Variants in LAMA2 observed in about 807,000 individuals in gnomAD.
LAMA2 encodes laminin subunit alpha-2.
Under a neutral mutation model 364.8 loss-of-function variants are expected in LAMA2, and 269 were observed. The observed-to-expected ratio is 0.74, with a 90% CI of 0.67 to 0.82. LAMA2 has a LOEUF of 0.82. Among genes scored for constraint, LAMA2 ranks in the 40% least tolerant of loss-of-function variants. The pLI, the probability that LAMA2 is intolerant of heterozygous loss-of-function variation, is 0.00. For synonymous variants in LAMA2, 1,379 were observed against 1,370.6 expected, an observed-to-expected ratio of 1.01 and a Z score of -0.14; for missense variants, 3,807 against 3,873.2, an observed-to-expected ratio of 0.98 and a Z score of 0.45.
chr6:128,990,698 C>T (rs1783555740), intron 1 of LAMA2, among the ~76,000 whole-genome samples: 1 of 151,822 alleles, frequency 6.6e-6, no homozygotes, highest in African/African-American at 2.4e-5. Flanking sequence ...TTTATCTTGC[C>T]TTAATTAGGG....
At chr6:129,255,036 A>T (rs371245638) in intron 14 of LAMA2, among the ~76,000 whole-genome samples, 55 of 147,054 alleles carry the variant, frequency 3.7e-4, no homozygotes, top group African/African-American at 1.2e-3. Flanking sequence ...GAAATGATGT[A>T]TTTTTTTTTT....
intron 52 of LAMA2, among the ~76,000 whole-genome samples, chr6:129,473,712 G>A (rs770828414): frequency 3.3e-5 from 5 of 151,998 alleles, no homozygotes; most frequent in Admixed American, 6.6e-5. Flanking sequence ...TTAGTGTTCC[G>A]AAAATTAGTC....
At chr6:129,022,763 A>C (rs961652799) in intron 1 of LAMA2, among the ~76,000 whole-genome samples, 3 of 152,184 alleles carry the variant, frequency 2.0e-5, no homozygotes, top group African/African-American at 7.2e-5. Flanking sequence ...CTTTCTATTT[A>C]AAGAGGACTT....
chr6:129,032,526 G>T (rs9402093), intron 1 of LAMA2, among the ~76,000 whole-genome samples: 95,442 of 152,064 alleles, frequency 0.63, 31,862 homozygotes, highest in East Asian at 0.96. Flanking sequence ...GGCAGTATTC[G>T]TTGAATGTGA....
intron 30 of LAMA2, among the ~76,000 whole-genome samples, chr6:129,347,860 A>G (rs1436778019): frequency 6.6e-6 from 1 of 152,246 alleles, no homozygotes; most frequent in African/African-American, 2.4e-5. Flanking sequence ...AAAAAATTGT[A>G]TCAACTATTC....
chr6:129,166,278 T>G (rs1779737576), intron 9 of LAMA2, among the ~76,000 whole-genome samples: 1 of 152,196 alleles, frequency 6.6e-6, no homozygotes, highest in Non-Finnish European at 1.5e-5. Context: ...ACATAACTCC[T>G]TGATATAAAA....
Position 129,481,395 on chromosome 6 carries a change from G to T in LAMA2, c.7705G>T (p.Gly2569Trp). 1 of 1,613,930 alleles carries T rather than the reference G, an allele frequency of 6.2e-7. No individual in the cohort carries two copies. The highest frequency in any genetic ancestry group is 8.5e-7 in the Non-Finnish European group (1 of 1,179,894). Residue 2569 changes from glycine (G) to tryptophan (W), a missense_variant, in exon 55 of 65, where the codon GGG (glycine) becomes TGG (tryptophan). By Grantham distance (184) the Gly-to-Trp change is radical. Transcript: ENST00000421865. The part of the protein sequence containing the change: ...ESGIILLGSG[G>W]TPAPPRRKRR... ...CGGCATCATTCTTTTGGGAAGTGGAGGGACACCAGCACCACCTAGGAGAAA... is the reference window on the plus strand; with the variant it reads ...CGGCATCATTCTTTTGGGAAGTGGATGGACACCAGCACCACCTAGGAGAAA...
At chr6:129,425,515 T>A (rs1325719340) in intron 40 of LAMA2, among the ~76,000 whole-genome samples, 1 of 152,022 alleles carries the variant, frequency 6.6e-6, no homozygotes, top group Non-Finnish European at 1.5e-5. Flanking sequence ...GTTTGTTGTA[T>A]AGATTTCATC....
At chr6:129,133,070 A>G (rs903690563) in intron 4 of LAMA2, among the ~76,000 whole-genome samples, 1 of 152,218 alleles carries the variant, frequency 6.6e-6, no homozygotes, top group Non-Finnish European at 1.5e-5. Flanking sequence ...ACAATATTAG[A>G]AAAGCATATA....
At chr6:129,514,697 A>G (rs1219169634) in intron 64 of LAMA2, 102 bp downstream of exon 64, 2 of 927,488 alleles carry the variant, frequency 2.2e-6, no homozygotes, top group Non-Finnish European at 3.5e-6. Context: ...GCTTATGTGT[A>G]CTTGCTTCCT....
rs114518742 is a variant in LAMA2 at position 129,108,490 on chromosome 6, C to T, written c.639+10075C>T. Among the ~76,000 whole-genome samples the T allele has an allele frequency of 8.6e-3, 1,305 of 152,068 alleles. 26 individuals are homozygous for T. Among genetic ancestry groups the T allele is most frequent in the African/African-American group, 0.03 (1,259 of 41,478 alleles). Reference sequence around the variant, plus strand: ...TTCTACATGGCAATAGGAAATATGACCATAAAAACCTCAGTGAAAGTAACC... The same window carrying T: ...TTCTACATGGCAATAGGAAATATGATCATAAAAACCTCAGTGAAAGTAACC... On this transcript the variant is annotated intron_variant, in intron 4 of 64. Transcript: ENST00000421865.
chr6:129,445,909 T>C, intron 45 of LAMA2, 88 bp downstream of exon 45: 1 of 1,309,804 alleles, frequency 7.6e-7, no homozygotes, highest in South Asian at 1.2e-5. Context: ...GATTCCCCGT[T>C]GAATGATCTT....
rs957357195 is a variant in LAMA2, at chr6:129,280,484, A to C, written c.2537+337A>C. Among the ~76,000 whole-genome samples the C allele has an allele frequency of 2.5e-4, 38 of 152,142 alleles. 1 individual carries two copies. The highest frequency in any genetic ancestry group is 8.3e-4 in the South Asian group (4 of 4,832). ...TTATCTTACTGTCTGTGTAGGCACC[A>C]TTTATTTTTCATAATTAGCTTTTTG... On this transcript the variant is annotated intron_variant, in intron 18 of 64. Coordinates refer to ENST00000421865, the MANE Select transcript of LAMA2 (RefSeq NM_000426.4).
intron 34 of LAMA2, among the ~76,000 whole-genome samples, chr6:129,375,215 C>T (rs1417972852): frequency 6.6e-6 from 1 of 151,908 alleles, no homozygotes; most frequent in Non-Finnish European, 1.5e-5. Flanking sequence ...TGATTTGTTG[C>T]CATTTTATTT....
At chr6:128,934,508 CT>C (rs528613073) in intron 1 of LAMA2, among the ~76,000 whole-genome samples, 1 of 149,144 alleles carries the variant, frequency 6.7e-6, no homozygotes, top group African/African-American at 2.5e-5. Flanking sequence ...TTTTTTCTTT[CT>C]TTTTTTTCTG....
chr6:129,015,380 G>T (rs1785007966), intron 1 of LAMA2, among the ~76,000 whole-genome samples: 1 of 152,030 alleles, frequency 6.6e-6, no homozygotes, highest in Non-Finnish European at 1.5e-5. Flanking sequence ...AGACAGGAAA[G>T]ATACAGCATC....
At chr6:129,309,211 G>A (rs1319992337) in intron 22 of LAMA2, among the ~76,000 whole-genome samples, 4 of 152,178 alleles carry the variant, frequency 2.6e-5, no homozygotes, top group Admixed American at 2.0e-4. Flanking sequence ...GGCTGTTATT[G>A]AAGTAGAATA....
intron 10 of LAMA2, among the ~76,000 whole-genome samples, chr6:129,185,249 A>G (rs1781159239): frequency 6.6e-6 from 1 of 151,914 alleles, no homozygotes; most frequent in Non-Finnish European, 1.5e-5. Context: ...AGTAGCTTCT[A>G]TGAGAAAGAA....
rs568470695 is a variant in LAMA2, at chr6:128,904,528, C to T, written c.112+21171C>T. Among the ~76,000 whole-genome samples, 135 of 148,778 alleles carry T rather than the reference C, an allele frequency of 9.1e-4. 2 individuals carry two copies. The highest frequency in any genetic ancestry group is 3.8e-3 in the Admixed American group (56 of 14,688). On this transcript the variant is annotated intron_variant, in intron 1 of 64. Coordinates refer to ENST00000421865, the MANE Select transcript of LAMA2 (RefSeq NM_000426.4). ...GGAGTGCAATGGCGTGATCTTGGCT[C>T]ACTGCAACCTCCGCCTCCCGGGTTC... is the stretch of plus-strand genomic sequence containing the variant.
Sources: allele counts gnomAD v4.1 joint callset (sites outside exome capture counted in the v4.1 genomes callset), GRCh38; gene constraint gnomAD v4.1.1; transcripts MANE v1.5; gene names NCBI Gene and HGNC (gene_info 2026-07-23, HGNC 2026-07-21).